CAMK2D: variants seen among roughly 807,000 people sequenced by gnomAD.
The protein encoded by CAMK2D is calcium/calmodulin-dependent protein kinase type II subunit delta.
A neutral mutation model predicts 84.0 loss-of-function variants in CAMK2D; 37 were observed. The observed-to-expected ratio is 0.44, with a 90% CI of 0.34 to 0.58. The LOEUF is 0.58. Ranked by LOEUF, CAMK2D falls within the 20% of genes least tolerant of loss-of-function variation. CAMK2D has a pLI of 0.02. For missense variants in CAMK2D, 448 were observed against 652.5 expected (o/e 0.69, Z 3.41); for synonymous variants, 202 against 212.5 (o/e 0.95, Z 0.43).
intron 16 of CAMK2D, among the ~76,000 whole-genome samples, chr4:113,481,142 C>T: frequency 6.6e-6 from 1 of 152,114 alleles, no homozygotes; most frequent in Non-Finnish European, 1.5e-5. Flanking sequence ...ATTATATGTA[C>T]AAAAACCTAC....
intron 16 of CAMK2D, among the ~76,000 whole-genome samples, chr4:113,494,613 C>A (rs1469378122): frequency 1.3e-5 from 2 of 152,230 alleles, no homozygotes; most frequent in East Asian, 1.9e-4. Context: ...GTCCTGCCCC[C>A]AGAGGTGGAG....
chr4:113,564,241 T>G (rs1478263452), intron 4 of CAMK2D, among the ~76,000 whole-genome samples: 1 of 152,156 alleles, frequency 6.6e-6, no homozygotes, highest in Non-Finnish European at 1.5e-5. Flanking sequence ...TACCATGACA[T>G]GCATGGACCT....
Position 113,518,272 on chromosome 4 carries a change from GA to G in CAMK2D, c.602-616del, listed in dbSNP as rs2098312165. On this transcript the variant is annotated intron_variant, in intron 8 of 20. Coordinates refer to ENST00000511664, the MANE Select transcript of CAMK2D (RefSeq NM_001321571.2). The stretch of plus-strand genomic sequence containing the variant: ...CAGAAGAATATATATTATGGGAGAG[GA>G]AAAAGGGAGAGAAGGGAGAAATTCC... Among the ~76,000 whole-genome samples, 3 of 152,030 alleles carry G rather than the reference GA, an allele frequency of 2.0e-5. No individual in the cohort carries two copies. The South Asian group carries it at 6.2e-4, about 32-fold the overall frequency.
intron 16 of CAMK2D, among the ~76,000 whole-genome samples, chr4:113,472,829 AATTCT>A (rs2097562650): frequency 6.6e-6 from 1 of 152,234 alleles, no homozygotes; most frequent in African/African-American, 2.4e-5. Context: ...TTAAGTTAGC[AATTCT>A]ATTTATTTAC....
chr4:113,652,988 A>T (rs1164623946), intron 3 of CAMK2D, among the ~76,000 whole-genome samples: 1 of 152,162 alleles, frequency 6.6e-6, no homozygotes, highest in African/African-American at 2.4e-5. Context: ...CAAAGAAACC[A>T]GTAACAAATG....
intron 17 of CAMK2D, among the ~76,000 whole-genome samples, chr4:113,462,269 T>C (rs970070964): frequency 6.5e-5 from 3 of 46,488 alleles, no homozygotes; most frequent in Non-Finnish European, 1.4e-4. Flanking sequence ...TTTGGAAATG[T>C]GTGTGTGTGT....
intron 2 of CAMK2D, among the ~76,000 whole-genome samples, chr4:113,676,803 C>T (rs1199256205): frequency 2.0e-5 from 3 of 152,192 alleles, no homozygotes; most frequent in African/African-American, 7.2e-5. Context: ...AGCCTCTCCA[C>T]ATAATTTAGT....
chr4:113,543,858 C>T (rs964931981), intron 6 of CAMK2D, among the ~76,000 whole-genome samples: 34 of 152,016 alleles, frequency 2.2e-4, no homozygotes, highest in Non-Finnish European at 4.1e-4. Context: ...GTGGGGCGAT[C>T]TCTGCTCACT....
At chr4:113,612,617 TTA>T (rs936998930) in intron 3 of CAMK2D, among the ~76,000 whole-genome samples, 5 of 152,176 alleles carry the variant, frequency 3.3e-5, no homozygotes, top group African/African-American at 9.7e-5. Context: ...TATGACGTTT[TTA>T]GAGAGAAATT....
intron 2 of CAMK2D, among the ~76,000 whole-genome samples, chr4:113,747,945 A>G (rs1260952902): frequency 1.3e-5 from 2 of 152,116 alleles, no homozygotes; most frequent in Non-Finnish European, 2.9e-5. Context: ...GCTTTTCTCA[A>G]GTTCAGTCTT....
intron 4 of CAMK2D, among the ~76,000 whole-genome samples, chr4:113,570,660 A>C (rs2098748481): frequency 6.6e-6 from 1 of 152,244 alleles, no homozygotes; most frequent in Admixed American, 6.5e-5. Flanking sequence ...AAAATAGATT[A>C]AAGACTTAAA....
intron 3 of CAMK2D, among the ~76,000 whole-genome samples, chr4:113,617,851 T>C (rs1200658220): frequency 6.7e-6 from 1 of 149,442 alleles, no homozygotes; most frequent in East Asian, 1.9e-4. Flanking sequence ...AAATCAAACA[T>C]GGTGAAGTAT....
chr4:113,520,038 C>CCTAT (rs1450232511), intron 8 of CAMK2D, among the ~76,000 whole-genome samples: 1 of 152,102 alleles, frequency 6.6e-6, no homozygotes, highest in Non-Finnish European at 1.5e-5. Context: ...TCCATTTGGT[C>CCTAT]CTATCTTAAA....
In CAMK2D at chr4:113,682,688, A is replaced by G. The variant is rs561233460; in HGVS notation, c.161-20916T>C. ...TTTTACTAAAATTATGCAAAAACCT[A>G]TAATTTGATATTTATCTTATTTAAA... On this transcript the variant is annotated intron_variant, in intron 2 of 20. Transcript: ENST00000511664. Among the ~76,000 whole-genome samples, 4 of 152,290 alleles carry G rather than the reference A, an allele frequency of 2.6e-5. No individual in the cohort carries two copies. In the South Asian group the frequency reaches 6.2e-4, roughly 24 times the overall value.
At chr4:113,502,668 C>G (rs2098070439) in intron 15 of CAMK2D, among the ~76,000 whole-genome samples, 1 of 152,080 alleles carries the variant, frequency 6.6e-6, no homozygotes, top group Non-Finnish European at 1.5e-5. Flanking sequence ...GCTTAAGACA[C>G]ACAGTCATCT....
chr4:113,488,576 T>C (rs1050961711), intron 16 of CAMK2D, among the ~76,000 whole-genome samples: 11 of 152,206 alleles, frequency 7.2e-5, no homozygotes, highest in Non-Finnish European at 1.2e-4. Context: ...AAAAACTGAT[T>C]GATAGCTCAA....
chr4:113,472,023 T>C (rs1457836896), intron 16 of CAMK2D, among the ~76,000 whole-genome samples: 2 of 152,164 alleles, frequency 1.3e-5, no homozygotes, highest in African/African-American at 4.8e-5. Context: ...CCAGAAGCTC[T>C]CCCTCTTCTG....
At chr4:113,504,611 A>ATTGT (rs2098102565) in intron 14 of CAMK2D, among the ~76,000 whole-genome samples, 1 of 152,174 alleles carries the variant, frequency 6.6e-6, no homozygotes, top group African/African-American at 2.4e-5. Flanking sequence ...AGAAGAAACC[A>ATTGT]TTGTTTGCAT....
chr4:113,646,781 T>C (rs1340507246), intron 3 of CAMK2D, among the ~76,000 whole-genome samples: 2 of 152,196 alleles, frequency 1.3e-5, no homozygotes, highest in Non-Finnish European at 2.9e-5. Flanking sequence ...GTTCTCTGAG[T>C]GCAGTGGGAA....
Sources: allele counts gnomAD v4.1 joint callset (sites outside exome capture counted in the v4.1 genomes callset), GRCh38; gene constraint gnomAD v4.1.1; transcripts MANE v1.5; gene names NCBI Gene and HGNC (gene_info 2026-07-23, HGNC 2026-07-21).